The following ATP8A1 variants were observed in gnomAD, a reference collection of about 807,000 sequenced individuals.
The protein encoded by ATP8A1 is ATPase phospholipid transporting 8A1.
ATP8A1 carries 90 observed loss-of-function variants against 177.7 expected under a neutral mutation model. The ratio of observed to expected loss-of-function variants is 0.51; its 90% CI spans 0.43 to 0.60. The LOEUF (loss-of-function observed/expected upper bound fraction) is 0.60, where lower values mean the gene tolerates loss of function less well. Ranked by LOEUF, ATP8A1 falls within the 20% of genes least tolerant of loss-of-function variation. The pLI is 0.00. For synonymous variants in ATP8A1, 493 were observed against 485.9 expected (o/e 1.01, Z -0.19); for missense variants, 1,072 against 1,392.8 (o/e 0.77, Z 3.67).
At position 42,488,008 on chromosome 4, in the gene ATP8A1, G is replaced by A. The variant is rs762356699; in HGVS notation, c.2152-2340C>T. Among the ~76,000 whole-genome samples the A allele has an allele frequency of 8.5e-5, 13 of 152,082 alleles. 1 individual carries two copies. Among genetic ancestry groups the A allele is most frequent in the Non-Finnish European group, 1.9e-4 (13 of 68,026 alleles). ...AAGCCTCACCCTCCTGTTTCCTGCT[G>A]GAAATTTTTGGCCCAAGAGGACTTA... On this transcript the variant is annotated intron_variant, in intron 24 of 36. Coordinates refer to ENST00000381668, the MANE Select transcript of ATP8A1 (RefSeq NM_006095.2).
Position 42,578,390 on chromosome 4 carries a change from G to A in ATP8A1, c.1001-3C>T. 1.2e-6 allele frequency: 2 copies of A among 1,608,762 alleles called. No homozygotes were observed. The highest frequency in any genetic ancestry group is 1.7e-6 in the Non-Finnish European group (2 of 1,177,894). Reference sequence around the variant, plus strand: ...TCCAAAATTACTAGCGCCACCATCTGTTGGGAGAGGCAGGAAGAACGTCAT... The same window carrying A: ...TCCAAAATTACTAGCGCCACCATCTATTGGGAGAGGCAGGAAGAACGTCAT... On this transcript the variant is annotated splice_polypyrimidine_tract_variant and splice_region_variant and intron_variant, in intron 11 of 36. Coordinates refer to ENST00000381668, the MANE Select transcript of ATP8A1 (RefSeq NM_006095.2).
chr4:42,624,524 T>C lies in ATP8A1; in HGVS notation c.363+12A>G. ...AAAGTCACATACAATTATGAAAAAA[T>C]AGAATACTTACAATATCTTCTATTA... is the stretch of plus-strand genomic sequence containing the variant. On this transcript the variant is annotated intron_variant, in intron 4 of 36. Transcript: ENST00000381668. 3.0e-6 allele frequency: 4 copies of C among 1,352,428 alleles called. No homozygotes were observed. Among genetic ancestry groups the C allele is most frequent in the Non-Finnish European group, 4.0e-6 (4 of 1,002,338 alleles). The allele number at this position is 1,352,428 out of a possible 1,614,324, so 83.8% of individuals were successfully genotyped here. A position where few individuals can be genotyped will look rare whatever the true frequency, so the allele number is the denominator to read the frequency against.
intron 27 of ATP8A1, among the ~76,000 whole-genome samples, chr4:42,461,744 G>A (rs1719181960): frequency 6.6e-6 from 1 of 152,188 alleles, no homozygotes; most frequent in Admixed American, 6.5e-5. Flanking sequence ...AACAGGCAGA[G>A]GTTGGAAGAG....
intron 20 of ATP8A1, among the ~76,000 whole-genome samples, chr4:42,529,291 C>A (rs1018300944): frequency 6.6e-6 from 1 of 152,208 alleles, no homozygotes; most frequent in African/African-American, 2.4e-5. Context: ...GATTTTGGAG[C>A]AAGGCCCTGC....
At chr4:42,507,809 A>AAAC (rs1477576809) in intron 22 of ATP8A1, among the ~76,000 whole-genome samples, 6 of 139,372 alleles carry the variant, frequency 4.3e-5, no homozygotes, top group African/African-American at 1.8e-4. Flanking sequence ...AAAAAAAAAA[A>AAAC]CATACAAACA....
chr4:42,652,851 T>A (rs1365220876), intron 1 of ATP8A1, among the ~76,000 whole-genome samples: 1 of 152,152 alleles, frequency 6.6e-6, no homozygotes, highest in African/African-American at 2.4e-5. Context: ...AACCTCTTTT[T>A]CTTTATAAAT....
chr4:42,444,590 T>C lies in ATP8A1; in HGVS notation c.3003A>G (p.Ser1001=), dbSNP rs755055422. ...TVCLKAGLET[S]YWTWFSHIAI... ...GATATTTTCTTACCCATGTCCAATA[T>C]GATGTCTCCAATCCAGCTTTCAAAC... Residue 1001 remains serine (S), a synonymous_variant, in exon 32 of 37, where the codon TCA becomes TCG. Coordinates refer to ENST00000381668, the MANE Select transcript of ATP8A1 (RefSeq NM_006095.2). 2.4e-5 allele frequency: 39 copies of C among 1,613,748 alleles called. No individual in the cohort carries two copies. The highest frequency in any genetic ancestry group is 3.1e-5 in the Non-Finnish European group (36 of 1,179,872).
intron 1 of ATP8A1, among the ~76,000 whole-genome samples, chr4:42,631,982 A>G (rs150162011): frequency 1.3e-5 from 2 of 152,350 alleles, no homozygotes; most frequent in East Asian, 3.9e-4. Flanking sequence ...CGATTCTCCA[A>G]GAGACTAACT....
chr4:42,499,466 G>T (rs1282391932), intron 24 of ATP8A1, among the ~76,000 whole-genome samples: 1 of 152,048 alleles, frequency 6.6e-6, no homozygotes, highest in Non-Finnish European at 1.5e-5. Flanking sequence ...AAGGTTAAGG[G>T]TATATCACGA....
intron 33 of ATP8A1, among the ~76,000 whole-genome samples, chr4:42,424,803 T>C (rs1714397742): frequency 6.6e-6 from 1 of 152,232 alleles, no homozygotes; most frequent in South Asian, 2.1e-4. Context: ...TCAGGGACGC[T>C]AAGATTTTTC....
chr4:42,495,614 GTTTT>G (rs67918221), intron 24 of ATP8A1, among the ~76,000 whole-genome samples: 1 of 146,598 alleles, frequency 6.8e-6, no homozygotes, highest in East Asian at 2.0e-4. Flanking sequence ...GTATTTATTG[GTTTT>G]TTTTTTTTGA....
intron 15 of ATP8A1, among the ~76,000 whole-genome samples, chr4:42,568,254 T>TCTTAA (rs1731552806): frequency 6.6e-6 from 1 of 152,208 alleles, no homozygotes; most frequent in African/African-American, 2.4e-5. Flanking sequence ...TTTTACCAAA[T>TCTTAA]CTTCACTTCA....
rs375541380 is a variant in ATP8A1, at chr4:42,578,243, T to A, written c.1128+17A>T. ...AAATTATTTTGTAGGGTGATAACAATCATAATTCATATTTACCCAATTTAT... is the reference window on the plus strand; with the variant it reads ...AAATTATTTTGTAGGGTGATAACAAACATAATTCATATTTACCCAATTTAT... On this transcript the variant is annotated intron_variant, in intron 12 of 36. Coordinates refer to ENST00000381668, the MANE Select transcript of ATP8A1 (RefSeq NM_006095.2). The A allele has an allele frequency of 9.5e-5, 150 of 1,575,982 alleles. No homozygotes were observed. The African/African-American group carries it at 1.7e-3, about 18-fold the overall frequency.
chr4:42,531,649 T>G (rs554525427), intron 20 of ATP8A1, among the ~76,000 whole-genome samples: 1 of 152,154 alleles, frequency 6.6e-6, no homozygotes, highest in Non-Finnish European at 1.5e-5. Flanking sequence ...TGATGACATA[T>G]CTTATATCTG....
At chr4:42,426,684 C>T (rs1714660837) in intron 33 of ATP8A1, among the ~76,000 whole-genome samples, 1 of 152,164 alleles carries the variant, frequency 6.6e-6, no homozygotes, top group African/African-American at 2.4e-5. Flanking sequence ...CTGGTTCTTT[C>T]CAGTGATCTG....
At chr4:42,602,717 C>G (rs1264922362) in intron 5 of ATP8A1, among the ~76,000 whole-genome samples, 1 of 151,994 alleles carries the variant, frequency 6.6e-6, no homozygotes, top group Non-Finnish European at 1.5e-5. Context: ...TGCAGTGAGC[C>G]AAGATGACGC....
rs563404333 is a variant in ATP8A1, at chr4:42,409,398, G to A, written c.*3518C>T. The A allele has an allele frequency of 2.6e-5, 4 of 152,208 alleles. No homozygotes were observed. The South Asian group carries it at 8.3e-4, about 32-fold the overall frequency. The allele number at this position is 152,208 out of a possible 1,614,324, so 9.4% of individuals were successfully genotyped here. A position where few individuals can be genotyped will look rare whatever the true frequency, so the allele number is the denominator to read the frequency against. Reference sequence around the variant, plus strand: ...AGTGACTTCAGTTATTTTAATGTGAGAAAAATCAGACTATGGTATCTTACG... The same window carrying A: ...AGTGACTTCAGTTATTTTAATGTGAAAAAAATCAGACTATGGTATCTTACG... On this transcript the variant is annotated 3_prime_UTR_variant, in exon 37 of 37. Transcript: ENST00000381668.
chr4:42,559,775 A>G (rs1366280272), intron 15 of ATP8A1, among the ~76,000 whole-genome samples: 2 of 152,156 alleles, frequency 1.3e-5, no homozygotes, highest in Non-Finnish European at 2.9e-5. Flanking sequence ...ACACAATCTC[A>G]GCTCACTGCA....
intron 31 of ATP8A1, 109 bp from the exon 32 acceptor site, chr4:42,444,743 G>A: frequency 9.0e-7 from 1 of 1,108,630 alleles, no homozygotes; most frequent in East Asian, 2.5e-5. Flanking sequence ...ATGGGACTAG[G>A]AGACTGCTGC....
Sources: gnomAD v4.1 joint callset for allele counts (sites outside exome capture counted in the v4.1 genomes callset) on GRCh38, gnomAD v4.1.1 for gene constraint, MANE v1.5 for transcripts, NCBI Gene and HGNC (gene_info 2026-07-23, HGNC 2026-07-21) for gene names.